Variants in IL1RAPL1 observed in about 807,000 individuals in gnomAD.
IL1RAPL1 encodes the protein interleukin 1 receptor accessory protein like 1, also known as interleukin-1 receptor accessory protein-like 1.
IL1RAPL1 carries 3 observed loss-of-function variants against 48.4 expected under a neutral mutation model. The observed-to-expected ratio is 0.06, with a 90% CI of 0.03 to 0.16. The LOEUF is 0.16. Among genes scored for constraint, IL1RAPL1 ranks in the 10% least tolerant of loss-of-function variants. The pLI is 1.00. For missense variants in IL1RAPL1, 349 were observed against 530.6 expected, an observed-to-expected ratio of 0.66 and a Z score of 3.36; for synonymous variants, 185 against 187.7, an observed-to-expected ratio of 0.99 and a Z score of 0.12.
intron 5 of IL1RAPL1, among the ~76,000 whole-genome samples, chrX:29,435,418 A>G (rs1160195351): frequency 9.0e-6 from 1 of 110,978 alleles, no homozygotes; most frequent in Non-Finnish European, 1.9e-5. Flanking sequence ...CAAATACTAC[A>G]ATCCGTATGT....
intron 2 of IL1RAPL1, among the ~76,000 whole-genome samples, chrX:29,037,008 T>C (rs1389882680): frequency 8.9e-6 from 1 of 112,257 alleles, no homozygotes; most frequent in East Asian, 2.8e-4. Context: ...AGCTGTACAT[T>C]ATGTTAAAAT....
At chrX:29,634,977 T>C (rs1030370837) in intron 5 of IL1RAPL1, among the ~76,000 whole-genome samples, 3 of 111,533 alleles carry the variant, frequency 2.7e-5, no homozygotes, top group African/African-American at 9.8e-5. Flanking sequence ...AAAATGAACA[T>C]TGAGGGAACT....
In IL1RAPL1 at chrX:29,788,305, T is replaced by G. The variant is rs775209658; in HGVS notation, c.778+119801T>G. On this transcript the variant is annotated intron_variant, in intron 6 of 10. Transcript: ENST00000378993. ...GATTCTCGTGCTTGTAGATATAATA[T>G]TCTAGTAAGGAAACACAGACAACAA... Among the ~76,000 whole-genome samples the G allele has an allele frequency of 3.6e-5, 4 of 111,720 alleles. No individual in the cohort carries two copies. The South Asian group carries it at 1.1e-3, about 31-fold the overall frequency.
intron 2 of IL1RAPL1, among the ~76,000 whole-genome samples, chrX:28,932,908 T>C (rs2147344252): frequency 9.0e-6 from 1 of 111,371 alleles, no homozygotes; most frequent in South Asian, 3.7e-4. Context: ...TCAGTAATTT[T>C]AAAGCTAATA....
At chrX:29,136,712 G>T (rs1378110298) in intron 2 of IL1RAPL1, among the ~76,000 whole-genome samples, 1 of 111,832 alleles carries the variant, frequency 8.9e-6, no homozygotes, top group Non-Finnish European at 1.9e-5. Context: ...CTGCCTGCCA[G>T]ATGAGACTTT....
Position 29,614,452 on chromosome X carries a change from A to G in IL1RAPL1, c.704-53978A>G, listed in dbSNP as rs865960055. 3.5e-5 allele frequency among the ~76,000 whole-genome samples: 4 copies of G among 112,686 alleles called. No homozygotes were observed. In the South Asian group the frequency reaches 1.4e-3, roughly 41 times the overall value. Reference sequence around the variant, plus strand: ...TTCTGTTTTATAGTATTTAGTGCATAAAGACTGGAATAAAATGCTGTAAAC... The same window carrying G: ...TTCTGTTTTATAGTATTTAGTGCATGAAGACTGGAATAAAATGCTGTAAAC... On this transcript the variant is annotated intron_variant, in intron 5 of 10. Transcript: ENST00000378993.
rs1555978833 is a variant in IL1RAPL1, at chrX:29,230,526, A to AAAACAAAC, written c.83-52409_83-52408insCAAACAAA. Among the ~76,000 whole-genome samples the AAAACAAAC allele has an allele frequency of 2.5e-3, 243 of 97,712 alleles. 5 individuals are homozygous for AAAACAAAC. Among genetic ancestry groups the AAAACAAAC allele is most frequent in the Middle Eastern group, 0.011 (2 of 190 alleles). 84.9% of individuals were successfully genotyped at this position (97,712 alleles called of 115,157 possible). A position where few individuals can be genotyped will look rare whatever the true frequency, so the allele number is the denominator to read the frequency against. ...TACCAAAAAAAAAAAAAAAAAAAAA[A>AAAACAAAC]AAAAAAAAACCTTGTTGTCTCTCAG... On this transcript the variant is annotated intron_variant, in intron 2 of 10. Coordinates refer to ENST00000378993, the MANE Select transcript of IL1RAPL1 (RefSeq NM_014271.4).
At chrX:29,076,261 A>G (rs921770833) in intron 2 of IL1RAPL1, among the ~76,000 whole-genome samples, 7 of 111,822 alleles carry the variant, frequency 6.3e-5, no homozygotes, top group Non-Finnish European at 1.1e-4. Context: ...TCCTTAATTT[A>G]TCTTCTTCTA....
intron 5 of IL1RAPL1, among the ~76,000 whole-genome samples, chrX:29,490,836 G>A (rs1490766118): frequency 1.1e-5 from 1 of 91,143 alleles, no homozygotes; most frequent in African/African-American, 5.4e-5. Flanking sequence ...TCTGAGGTAT[G>A]TGTGTGTGTG....
chrX:29,512,404 T>C (rs1260469256), intron 5 of IL1RAPL1, among the ~76,000 whole-genome samples: 1 of 111,895 alleles, frequency 8.9e-6, no homozygotes, highest in Non-Finnish European at 1.9e-5. Flanking sequence ...TAAAATAAAA[T>C]ACATTCTGAA....
At chrX:29,095,727 G>A (rs1928199103) in intron 2 of IL1RAPL1, among the ~76,000 whole-genome samples, 1 of 108,626 alleles carries the variant, frequency 9.2e-6, no homozygotes, top group Non-Finnish European at 1.9e-5. Flanking sequence ...TATATACTAT[G>A]AGATGTCCTG....
intron 1 of IL1RAPL1, among the ~76,000 whole-genome samples, chrX:28,632,690 A>C (rs764483784): frequency 9.0e-6 from 1 of 111,515 alleles, no homozygotes; most frequent in Non-Finnish European, 1.9e-5. Context: ...CCCATTACAA[A>C]TTAACATTAT....
chrX:29,236,688 C>A (rs1019201270), intron 2 of IL1RAPL1, among the ~76,000 whole-genome samples: 2 of 103,999 alleles, frequency 1.9e-5, no homozygotes, highest in Non-Finnish European at 3.9e-5. Context: ...TCAGCCTCCC[C>A]AGTAGCTGGG....
intron 2 of IL1RAPL1, among the ~76,000 whole-genome samples, chrX:29,187,606 C>T (rs192281358): frequency 9.0e-6 from 1 of 111,389 alleles, no homozygotes; most frequent in African/African-American, 3.3e-5. Flanking sequence ...CTTCCAAGGC[C>T]GTTCACAATG....
At position 29,005,243 on chromosome X, in the gene IL1RAPL1, T is replaced by A. The variant is rs185815716; in HGVS notation, c.82+215818T>A. On this transcript the variant is annotated intron_variant, in intron 2 of 10. Transcript: ENST00000378993. Reference sequence around the variant, plus strand: ...TTATTATTGGTACGTTAGATGTTTTTCAAAAAAATACTGTTGTAAAAATTT... The same window carrying A: ...TTATTATTGGTACGTTAGATGTTTTACAAAAAAATACTGTTGTAAAAATTT... Among the ~76,000 whole-genome samples the A allele has an allele frequency of 7.0e-4, 79 of 112,155 alleles. No homozygotes were observed. In the East Asian group the frequency reaches 0.021, roughly 29 times the overall value.
intron 3 of IL1RAPL1, among the ~76,000 whole-genome samples, chrX:29,338,208 A>C (rs748226838): frequency 2.7e-5 from 3 of 110,913 alleles, no homozygotes; most frequent in Non-Finnish European, 3.8e-5. Flanking sequence ...GAGGCATATA[A>C]ATTTAATCAC....
chrX:29,169,727 G>C (rs1207174422), intron 2 of IL1RAPL1, among the ~76,000 whole-genome samples: 1 of 110,114 alleles, frequency 9.1e-6, no homozygotes, highest in Non-Finnish European at 1.9e-5. Flanking sequence ...AAATAAACTG[G>C]ATCATTAACC....
chrX:28,610,527 T>G (rs1488521196), intron 1 of IL1RAPL1, among the ~76,000 whole-genome samples: 1 of 112,522 alleles, frequency 8.9e-6, no homozygotes, highest in African/African-American at 3.2e-5. Context: ...TGCTTTCTAG[T>G]AAAGGAGGAG....
At chrX:28,689,192 C>G (rs776616309) in intron 1 of IL1RAPL1, among the ~76,000 whole-genome samples, 5 of 110,981 alleles carry the variant, frequency 4.5e-5, no homozygotes, top group African/African-American at 1.6e-4. Context: ...TATGGTTTGG[C>G]TGTGTCCCCA....
Sources: gnomAD v4.1 joint callset for allele counts (sites outside exome capture counted in the v4.1 genomes callset) on GRCh38, gnomAD v4.1.1 for gene constraint, MANE v1.5 for transcripts, NCBI Gene and HGNC (gene_info 2026-07-23, HGNC 2026-07-21) for gene names.